The following LIMK1 variants were observed in gnomAD, a reference collection of about 807,000 sequenced individuals.
The protein encoded by LIMK1 is LIM domain kinase 1.
In LIMK1, 21 loss-of-function variants were observed where a neutral mutation model predicts 77.6. The ratio of observed to expected loss-of-function variants is 0.27; its 90% CI spans 0.19 to 0.39. LIMK1 has a LOEUF of 0.39. Ranked by LOEUF, LIMK1 falls within the 10% of genes least tolerant of loss-of-function variation. The pLI is 1.00. For missense variants in LIMK1, 696 were observed against 901.6 expected, an observed-to-expected ratio of 0.77 and a Z score of 2.92; for synonymous variants, 358 against 370.0, an observed-to-expected ratio of 0.97 and a Z score of 0.37.
intron 2 of LIMK1, among the ~76,000 whole-genome samples, chr7:74,091,114 C>T (rs1023411117): frequency 1.3e-5 from 2 of 151,990 alleles, no homozygotes; most frequent in Admixed American, 6.5e-5. Context: ...TTAGTACAGA[C>T]GAGGTTTCGC....
chr7:74,111,516 G>A lies in LIMK1; in HGVS notation c.1285-132G>A, dbSNP rs553637958. ...TAGAAGCAGACAGTTGTGGGTGCCC[G>A]AAGAAATCGGGGTGTTGGGGAGCCC... On this transcript the variant is annotated intron_variant, in intron 10 of 15. Coordinates refer to ENST00000336180, the MANE Select transcript of LIMK1 (RefSeq NM_002314.4). 4.0e-4 allele frequency: 283 copies of A among 708,512 alleles called. 1 individual carries two copies. Among genetic ancestry groups the A allele is most frequent in the Middle Eastern group, 1.2e-3 (4 of 3,388 alleles). The allele number at this position is 708,512 out of a possible 1,614,324, so 43.9% of individuals were successfully genotyped here.
At chr7:74,098,574 C>G (rs765344231) in intron 4 of LIMK1, among the ~76,000 whole-genome samples, 23 of 152,170 alleles carry the variant, frequency 1.5e-4, no homozygotes, top group Non-Finnish European at 2.4e-4. Flanking sequence ...TGGCCAGGTG[C>G]AGTGGCTCAC....
intron 3 of LIMK1, 76 bp from the exon 4 acceptor site, chr7:74,097,004 A>G: frequency 8.2e-7 from 1 of 1,215,724 alleles, no homozygotes; most frequent in South Asian, 1.4e-5. Flanking sequence ...ACACCCTTGG[A>G]AGAGGCCTAG....
chr7:74,121,402 G>T lies in LIMK1; in HGVS notation c.*101G>T. The T allele has an allele frequency of 8.2e-7, 1 of 1,218,546 alleles. No homozygotes were observed. Among genetic ancestry groups the T allele is most frequent in the Non-Finnish European group, 1.1e-6 (1 of 895,672 alleles). 75.5% of individuals were successfully genotyped at this position (1,218,546 alleles called of 1,614,324 possible). On this transcript the variant is annotated 3_prime_UTR_variant, in exon 16 of 16. Transcript: ENST00000336180. ...CCTCAGCTGGGACAGTGGGGACCCA[G>T]GCTTCTCCTCAGAGCCAGGCCCTGA...
At chr7:74,101,595 C>T (rs1251138363) in intron 5 of LIMK1, among the ~76,000 whole-genome samples, 1 of 152,176 alleles carries the variant, frequency 6.6e-6, no homozygotes, top group East Asian at 1.9e-4. Context: ...TCTGGAACAT[C>T]CCAGTTCTGC....
At chr7:74,102,485 T>TTTTTTTTTTTTTTTTTTTTTG (rs1799484883) in intron 5 of LIMK1, among the ~76,000 whole-genome samples, 1 of 60,518 alleles carries the variant, frequency 1.7e-5, no homozygotes, top group Non-Finnish European at 3.9e-5. Context: ...GGACCTTCTC[T>TTTTTTTTTTTTTTTTTTTTTG]TTTTTTTTTT....
At chr7:74,094,525 G>A (rs879967946) in intron 2 of LIMK1, among the ~76,000 whole-genome samples, 1 of 152,206 alleles carries the variant, frequency 6.6e-6, no homozygotes, top group Non-Finnish European at 1.5e-5. Flanking sequence ...CTGTGATGTG[G>A]CACCCCTGTG....
At chr7:74,084,324 G>A (rs1415636494) in intron 1 of LIMK1, among the ~76,000 whole-genome samples, 3 of 151,734 alleles carry the variant, frequency 2.0e-5, no homozygotes, top group Non-Finnish European at 4.4e-5. Flanking sequence ...TGCCCACCCC[G>A]CGTCGGCCTC....
In LIMK1 at chr7:74,096,608, C is replaced by T; in HGVS notation, c.153-14C>T. ...GGCGGGAGTGGACGTCTCAGCCCGG[C>T]CCCTCTCCTGCAGGTGTTGTGACTG... On this transcript the variant is annotated splice_polypyrimidine_tract_variant and intron_variant, in intron 2 of 15. Coordinates refer to ENST00000336180, the MANE Select transcript of LIMK1 (RefSeq NM_002314.4). 6.2e-7 allele frequency: 1 copy of T among 1,613,878 alleles called. No homozygotes were observed. Among genetic ancestry groups the T allele is most frequent in the Non-Finnish European group, 8.5e-7 (1 of 1,180,000 alleles).
chr7:74,120,434 G>A, intron 13 of LIMK1, 149 bp from the exon 14 acceptor site: 1 of 773,610 alleles, frequency 1.3e-6, no homozygotes, highest in South Asian at 1.6e-5. Flanking sequence ...AAGAGCCTAA[G>A]CCTGGGTTCC....
Position 74,107,048 on chromosome 7 carries a change from C to T in LIMK1, c.920C>T (p.Ser307Leu), listed in dbSNP as rs782376346. ...ATCGACAGGTCTCCGGGCGCTGGCT[C>T]ACTGGGCTCCCCGGCCTCCCAGCGC... The part of the protein sequence containing the change: ...CSIDRSPGAG[S>L]LGSPASQRKD... The change falls in exon 8 of 16, where the codon TCA becomes TTA. Residue 307 changes from serine (S) to leucine (L), a missense_variant. By Grantham distance (145) the Ser-to-Leu change is moderately radical. Coordinates refer to ENST00000336180, the MANE Select transcript of LIMK1 (RefSeq NM_002314.4). The T allele has an allele frequency of 6.2e-7, 1 of 1,603,456 alleles. No individual in the cohort carries two copies. Among genetic ancestry groups the T allele is most frequent in the East Asian group, 2.2e-5 (1 of 44,606 alleles).
chr7:74,099,846 G>A (rs1022307992), intron 5 of LIMK1, among the ~76,000 whole-genome samples: 4 of 151,260 alleles, frequency 2.6e-5, no homozygotes, highest in African/African-American at 4.8e-5. Flanking sequence ...GAAGCTGGGC[G>A]CAGTAACTCA....
intron 2 of LIMK1, among the ~76,000 whole-genome samples, chr7:74,090,703 C>T (rs769396878): frequency 6.6e-6 from 1 of 152,156 alleles, no homozygotes; most frequent in Non-Finnish European, 1.5e-5. Flanking sequence ...TGAAGGTGTT[C>T]GGGCAGGGGC....
In LIMK1 at chr7:74,096,643, C is replaced by T. The variant is rs1799341856; in HGVS notation, c.174C>T (p.Ser58=). Residue 58 remains serine (S), a synonymous_variant, in exon 3 of 16, where the codon TCC becomes TCT. Transcript: ENST00000336180. The part of the protein sequence containing the change: ...DCFRCCDCSA[S]LSHQYYEKDG... ...GCAGGTGTTGTGACTGCAGTGCCTC[C>T]CTGTCGCACCAGTACTATGAGAAGG... 2 of 1,614,048 alleles carry T rather than the reference C, an allele frequency of 1.2e-6. No homozygotes were observed. The highest frequency in any genetic ancestry group is 1.7e-6 in the Non-Finnish European group (2 of 1,180,034).
chr7:74,116,890 A>AT (rs1183418279), intron 13 of LIMK1, among the ~76,000 whole-genome samples: 195 of 148,034 alleles, frequency 1.3e-3, no homozygotes, highest in South Asian at 7.1e-3. Context: ...TTTATTTTTT[A>AT]TTTTTTTTTG....
chr7:74,113,827 T>C (rs782361491), intron 12 of LIMK1, among the ~76,000 whole-genome samples: 2 of 152,032 alleles, frequency 1.3e-5, no homozygotes, highest in Admixed American at 6.6e-5. Flanking sequence ...CATGGTGACA[T>C]GGGCCTGTAG....
chr7:74,120,626 C>T lies in LIMK1; in HGVS notation c.1611C>T (p.Ile537=), dbSNP rs145319405. ...AGGTGGATGTGTTCTCCTTTGGGATCGTCCTGTGCGAGGTAGGTCCAGGGT... is the reference window on the plus strand; with the variant it reads ...AGGTGGATGTGTTCTCCTTTGGGATTGTCCTGTGCGAGGTAGGTCCAGGGT... ...DEKVDVFSFG[I]VLCEIIGRVN... The change falls in exon 14 of 16, where the codon ATC becomes ATT. Residue 537 remains isoleucine (I), a synonymous_variant. Coordinates refer to ENST00000336180, the MANE Select transcript of LIMK1 (RefSeq NM_002314.4). The T allele has an allele frequency of 1.5e-3, 2,414 of 1,614,192 alleles. 6 individuals are homozygous for T. Among genetic ancestry groups the T allele is most frequent in the Non-Finnish European group, 1.5e-3 (1,819 of 1,180,018 alleles).
intron 2 of LIMK1, among the ~76,000 whole-genome samples, chr7:74,090,700 G>A (rs1554694653): frequency 6.6e-6 from 1 of 152,208 alleles, no homozygotes; most frequent in Non-Finnish European, 1.5e-5. Flanking sequence ...CTCTGAAGGT[G>A]TTCGGGCAGG....
At chr7:74,093,700 A>G (rs1340080555) in intron 2 of LIMK1, among the ~76,000 whole-genome samples, 1 of 151,920 alleles carries the variant, frequency 6.6e-6, no homozygotes, top group East Asian at 1.9e-4. Context: ...CCCTGCTCTC[A>G]GGGAGGGGTA....
Sources: allele counts gnomAD v4.1 joint callset (sites outside exome capture counted in the v4.1 genomes callset), GRCh38; gene constraint gnomAD v4.1.1; transcripts MANE v1.5; gene names NCBI Gene and HGNC (gene_info 2026-07-23, HGNC 2026-07-21).